The following TENM3 variants were observed in gnomAD, a reference collection of about 807,000 sequenced individuals.
The protein encoded by TENM3 is teneurin-3.
Under a neutral mutation model 255.1 loss-of-function variants are expected in TENM3, and 63 were observed. The ratio of observed to expected loss-of-function variants is 0.25; its 90% CI spans 0.20 to 0.30. The LOEUF (loss-of-function observed/expected upper bound fraction) is 0.30, where lower values mean the gene tolerates loss of function less well. TENM3 is among the 10% of genes least tolerant of loss of function. The pLI is 1.00. For missense variants in TENM3, 2,929 were observed against 3,461.1 expected (o/e 0.85, Z 3.86); for synonymous variants, 1,306 against 1,322.3 (o/e 0.99, Z 0.27).
At chr4:181,750,949 A>G in the TENM3 span, among the ~76,000 whole-genome samples, 2 of 152,256 alleles carry the variant, frequency 1.3e-5, no homozygotes, top group Admixed American at 6.5e-5. Context: ...CATGCCCTTG[A>G]CTTAGGCTGT....
chr4:181,653,396 T>C, the TENM3 span, among the ~76,000 whole-genome samples: 1 of 137,798 alleles, frequency 7.3e-6, no homozygotes, highest in South Asian at 2.6e-4. Context: ...TTGTTTTGTT[T>C]TGTTTGTTTG....
At chr4:181,778,679 A>G in the TENM3 span, among the ~76,000 whole-genome samples, 51 of 152,132 alleles carry the variant, frequency 3.4e-4, no homozygotes, top group African/African-American at 1.2e-3. Flanking sequence ...GAAGGAAAGC[A>G]TAGTCAGAAT....
At chr4:182,281,480 C>T (rs1760378992) in intron 1 of TENM3, among the ~76,000 whole-genome samples, 2 of 152,054 alleles carry the variant, frequency 1.3e-5, no homozygotes, top group Non-Finnish European at 2.9e-5. Flanking sequence ...GAAATTTCAG[C>T]TCAAAGGAGC....
chr4:181,489,406 G>T, the TENM3 span, among the ~76,000 whole-genome samples: 4 of 152,162 alleles, frequency 2.6e-5, no homozygotes, highest in Non-Finnish European at 5.9e-5. Context: ...GTGCATGGGT[G>T]TGCAATAGTT....
intron 1 of TENM3, among the ~76,000 whole-genome samples, chr4:182,315,246 G>A (rs1762686013): frequency 6.6e-6 from 1 of 152,066 alleles, no homozygotes; most frequent in Non-Finnish European, 1.5e-5. Context: ...CTTTGTATAG[G>A]TACTTATTTC....
intron 5 of TENM3, among the ~76,000 whole-genome samples, chr4:182,634,707 TA>T (rs11395245): frequency 0.016 from 1,833 of 116,372 alleles, 36 homozygotes; most frequent in African/African-American, 0.05. Flanking sequence ...ACTCTGAAAT[TA>T]AAAAAAAAAA....
chr4:182,642,565 G>A (rs1394644490), intron 5 of TENM3, among the ~76,000 whole-genome samples: 1 of 152,200 alleles, frequency 6.6e-6, no homozygotes, highest in Non-Finnish European at 1.5e-5. Context: ...AAGGCATTTT[G>A]ATAGCCAATA....
intron 3 of TENM3, among the ~76,000 whole-genome samples, chr4:182,505,227 A>G (rs1736694988): frequency 6.6e-6 from 1 of 152,084 alleles, no homozygotes; most frequent in South Asian, 2.1e-4. Context: ...ATGTCTATAT[A>G]CCCTAGCATT....
Position 182,555,658 on chromosome 4 carries a change from A to T in TENM3, c.512-45266A>T, listed in dbSNP as rs188161208. ...CATGTCAAGAAAGACTCAGTACATC[A>T]AGAAAACCAAGTGCACATATTAACT... On this transcript the variant is annotated intron_variant, in intron 3 of 27. Transcript: ENST00000511685. Among the ~76,000 whole-genome samples the T allele has an allele frequency of 8.5e-5, 13 of 152,330 alleles. No homozygotes were observed. In the East Asian group the frequency reaches 2.5e-3, roughly 29 times the overall value.
chr4:182,359,494 A>G (rs538481746), intron 3 of TENM3, among the ~76,000 whole-genome samples: 74 of 150,982 alleles, frequency 4.9e-4, no homozygotes, highest in African/African-American at 1.7e-3. Flanking sequence ...TAGATTTTCT[A>G]GTTTATTTGC....
chr4:182,417,755 G>C (rs988211243), intron 3 of TENM3, among the ~76,000 whole-genome samples: 3 of 152,148 alleles, frequency 2.0e-5, no homozygotes, highest in Non-Finnish European at 4.4e-5. Context: ...TTTAAGTGAA[G>C]AGTGAAAATC....
the TENM3 span, among the ~76,000 whole-genome samples, chr4:181,850,194 C>T: frequency 6.6e-6 from 1 of 151,588 alleles, no homozygotes; most frequent in East Asian, 1.9e-4. Context: ...TTCTACTCTC[C>T]TTACTCTCAA....
chr4:182,529,242 C>T (rs1035307440), intron 3 of TENM3, among the ~76,000 whole-genome samples: 7 of 152,120 alleles, frequency 4.6e-5, no homozygotes, highest in Non-Finnish European at 7.3e-5. Context: ...ACATTAGGAA[C>T]GCTGGTGTTC....
chr4:181,570,233 G>T, the TENM3 span, among the ~76,000 whole-genome samples: 4 of 151,854 alleles, frequency 2.6e-5, no homozygotes, highest in African/African-American at 9.7e-5. Flanking sequence ...TTTTAGTAGA[G>T]ACGGGGTTTC....
In TENM3 at chr4:182,679,681, C is replaced by T; in HGVS notation, c.1342C>T (p.Leu448Phe). 2 of 1,612,546 alleles carry T rather than the reference C, an allele frequency of 1.2e-6. No individual in the cohort carries two copies. The highest frequency in any genetic ancestry group is 1.7e-6 in the Non-Finnish European group (2 of 1,179,676). ...CTCCCCCCAGTATGACTTCGTGGAG[C>T]TCCTGGATGGCAGCAGGCTGATTGC... Reference protein sequence around the residue: ...PSHTQYDFVELLDGSRLIARE... With the variant: ...PSHTQYDFVEFLDGSRLIARE... The change falls in exon 8 of 28, where the codon CTC (leucine) becomes TTC (phenylalanine). Residue 448 changes from leucine to phenylalanine, a missense_variant. Transcript: ENST00000511685.
chr4:182,413,615 C>CA (rs57318207), intron 3 of TENM3, among the ~76,000 whole-genome samples: 215 of 144,292 alleles, frequency 1.5e-3, no homozygotes, highest in East Asian at 0.012. Flanking sequence ...GACTCTGTCT[C>CA]AAAAAAAAAA....
In TENM3 at chr4:182,422,276, T is replaced by C. The variant is rs565329059; in HGVS notation, c.511+75347T>C. 2.6e-5 allele frequency among the ~76,000 whole-genome samples: 4 copies of C among 152,316 alleles called. No homozygotes were observed. The East Asian group carries it at 7.7e-4, about 29-fold the overall frequency. The stretch of plus-strand genomic sequence containing the variant: ...CTAAAGCCAAGCAAGCAGTGGGCTG[T>C]AGTGCTTTGAAAACGGCATCATGAA... On this transcript the variant is annotated intron_variant, in intron 3 of 27. Coordinates refer to ENST00000511685, the MANE Select transcript of TENM3 (RefSeq NM_001080477.4).
At chr4:181,570,171 G>C in the TENM3 span, among the ~76,000 whole-genome samples, 1 of 149,622 alleles carries the variant, frequency 6.7e-6, no homozygotes, top group Non-Finnish European at 1.5e-5. Context: ...TCAGCCTCCC[G>C]AGTAGCTGGG....
upstream of TENM3, among the ~76,000 whole-genome samples, chr4:182,240,041 CTG>C (rs1488036703): frequency 2.0e-5 from 3 of 151,988 alleles, no homozygotes; most frequent in East Asian, 5.8e-4. Flanking sequence ...AGTAGTGAAA[CTG>C]GGGGAAAGTT....
Sources: gnomAD v4.1 joint callset for allele counts (sites outside exome capture counted in the v4.1 genomes callset) on GRCh38, gnomAD v4.1.1 for gene constraint, MANE v1.5 for transcripts, NCBI Gene and HGNC (gene_info 2026-07-23, HGNC 2026-07-21) for gene names.